Variants in DDX39B observed in about 807,000 individuals in gnomAD.
DDX39B encodes spliceosome RNA helicase DDX39B.
In DDX39B, 6 loss-of-function variants were observed where a neutral mutation model predicts 46.4. That is an observed-to-expected ratio of 0.13 (90% confidence interval 0.07 to 0.26). The LOEUF (loss-of-function observed/expected upper bound fraction) is 0.26. Ranked by LOEUF, DDX39B falls within the 10% of genes least tolerant of loss-of-function variation. DDX39B has a pLI of 1.00. For synonymous variants in DDX39B, 174 were observed against 199.4 expected (o/e 0.87, Z 1.07); for missense variants, 185 against 553.4 (o/e 0.33, Z 6.68).
Position 31,532,849 on chromosome 6 carries a change from G to A in DDX39B, c.798C>T (p.Tyr266=), listed in dbSNP as rs770891546. 11 of 1,594,678 alleles carry A rather than the reference G, an allele frequency of 6.9e-6. No individual in the cohort carries two copies. Among genetic ancestry groups the A allele is most frequent in the South Asian group, 3.3e-5 (3 of 90,852 alleles). The change falls in exon 7 of 11, where the codon TAC becomes TAT. Residue 266 remains tyrosine (Y), a synonymous_variant. Coordinates refer to ENST00000396172, the MANE Select transcript of DDX39B (RefSeq NM_004640.7). ...TCTTCTCGTTGTCCTTCAGTTTCAC[G>A]TAGTACTGCTGCAACCCATGCAGCG... The part of the protein sequence containing the change: ...KLTLHGLQQY[Y]VKLKDNEKNR...
At chr6:31,536,744 G>A in intron 4 of DDX39B, 61 bp from the exon 5 acceptor site, 1 of 1,576,550 alleles carries the variant, frequency 6.3e-7, no homozygotes, top group South Asian at 1.1e-5. Flanking sequence ...ATCCCCCCAG[G>A]GTTCCCACTC....
chr6:31,540,203 C>T, intron 2 of DDX39B, 119 bp downstream of exon 2: 2 of 1,142,538 alleles, frequency 1.8e-6, no homozygotes, highest in Non-Finnish European at 2.5e-6. Flanking sequence ...GCCACTGCAC[C>T]TGGCCCTGAT....
rs747058743 is a variant in DDX39B, at chr6:31,532,843, T to C, written c.804A>G (p.Lys268=). The part of the protein sequence containing the change: ...TLHGLQQYYV[K]LKDNEKNRKL... ...TCCGGTTCTTCTCGTTGTCCTTCAG[T>C]TTCACGTAGTACTGCTGCAACCCAT... Residue 268 remains lysine (K), a synonymous_variant, in exon 7 of 11, where the codon AAA becomes AAG. Transcript: ENST00000396172. 1.9e-6 allele frequency: 3 copies of C among 1,610,996 alleles called. No homozygotes were observed. The highest frequency in any genetic ancestry group is 2.2e-5 in the South Asian group (2 of 90,986).
chr6:31,539,413 C>T, intron 2 of DDX39B, 139 bp from the exon 3 acceptor site: 1 of 1,222,526 alleles, frequency 8.2e-7, no homozygotes, highest in South Asian at 1.5e-5. Context: ...CTTCCAGACC[C>T]ATTTTACCTC....
chr6:31,534,370 G>A lies in DDX39B; in HGVS notation c.735+997C>T. The A allele has an allele frequency of 7.1e-6, 3 of 419,932 alleles. No individual in the cohort carries two copies. Among genetic ancestry groups the A allele is most frequent in the Middle Eastern group, 3.6e-4 (1 of 2,800 alleles). 26.0% of individuals were successfully genotyped at this position (419,932 alleles called of 1,614,324 possible). ...TTCTAGCCCCAAATACAGCTAAAGA[G>A]TGATCATCCCACGGGAAGGAACACT... is the stretch of plus-strand genomic sequence containing the variant. On this transcript the variant is annotated intron_variant, in intron 6 of 10. Coordinates refer to ENST00000396172, the MANE Select transcript of DDX39B (RefSeq NM_004640.7). The surrounding 1 kb of genome is among the most constrained non-coding windows in gnomAD (Gnocchi z 5.1).
intron 7 of DDX39B, 23 bp downstream of exon 7, chr6:31,532,757 C>T (rs767169232): frequency 1.2e-6 from 2 of 1,609,076 alleles, no homozygotes; most frequent in Non-Finnish European, 1.7e-6. Flanking sequence ...AATGCTCATC[C>T]CCCTACTGGA....
chr6:31,541,262 A>AT (rs1281877010), intron 1 of DDX39B: 3 of 527,994 alleles, frequency 5.7e-6, no homozygotes, highest in Non-Finnish European at 1.2e-5. Context: ...TGTAATTAGC[A>AT]TGGGGGGGAG....
In DDX39B at chr6:31,540,312, G is replaced by A; in HGVS notation, c.211+10C>T. ...CCCAATGAGCACTACATGCCCAAGAGAAAATTTACCTTCTGACGGATGCTC... is the reference window on the plus strand; with the variant it reads ...CCCAATGAGCACTACATGCCCAAGAAAAAATTTACCTTCTGACGGATGCTC... On this transcript the variant is annotated intron_variant, in intron 2 of 10. Coordinates refer to ENST00000396172, the MANE Select transcript of DDX39B (RefSeq NM_004640.7). The A allele has an allele frequency of 6.2e-7, 1 of 1,614,072 alleles. No homozygotes were observed. The highest frequency in any genetic ancestry group is 1.1e-5 in the South Asian group (1 of 91,088).
At position 31,531,335 on chromosome 6, in the gene DDX39B, G is replaced by A; in HGVS notation, c.938C>T (p.Pro313Leu). 6.2e-7 allele frequency: 1 copy of A among 1,614,112 alleles called. No individual in the cohort carries two copies. ...CATCCCACGGTGGATGGCAATGGCTGGGAAGTTCTGCTCCACTAGTAGCTG... is the reference window on the plus strand; with the variant it reads ...CATCCCACGGTGGATGGCAATGGCTAGGAAGTTCTGCTCCACTAGTAGCTG... ...LAQLLVEQNF[P>L]AIAIHRGMPQ... Residue 313 changes from proline to leucine, a missense_variant, in exon 8 of 11, where the codon CCA (proline) becomes CTA (leucine). This residue lies in a region of DDX39B where 110 missense variants were observed against 282.2 expected (regional missense o/e 0.39). Coordinates refer to ENST00000396172, the MANE Select transcript of DDX39B (RefSeq NM_004640.7). This position sits in a 1 kb window ranked among gnomAD's most constrained non-coding sequence, Gnocchi z 5.8.
chr6:31,536,789 A>C, intron 4 of DDX39B, 106 bp from the exon 5 acceptor site: 1 of 1,383,602 alleles, frequency 7.2e-7, no homozygotes, highest in Non-Finnish European at 9.6e-7. Context: ...CATGTTTCCA[A>C]ACTAAAACTA....
intron 2 of DDX39B, among the ~76,000 whole-genome samples, chr6:31,539,856 A>C (rs1768204747): frequency 1.3e-5 from 2 of 152,232 alleles, no homozygotes; most frequent in South Asian, 4.1e-4. Flanking sequence ...AGACAAGAAA[A>C]GCCAGTCACA....
chr6:31,536,479 A>C, intron 5 of DDX39B, 21 bp downstream of exon 5: 1 of 1,613,166 alleles, frequency 6.2e-7, no homozygotes, highest in Non-Finnish European at 8.5e-7. Flanking sequence ...GCATTAGCCA[A>C]GCCCCAGCAC....
rs2150335628 is a variant in DDX39B, at chr6:31,535,532, A to G, written c.617-47T>C. On this transcript the variant is annotated intron_variant, in intron 5 of 10. Coordinates refer to ENST00000396172, the MANE Select transcript of DDX39B (RefSeq NM_004640.7). The surrounding 1 kb of genome is among the most constrained non-coding windows in gnomAD (Gnocchi z 4.6). ...TTGTAGGAGAAAATAAGCAGGTATG[A>G]TAAACAAAGATTAGAGGTAGACTTC... 1.3e-6 allele frequency: 2 copies of G among 1,488,632 alleles called. No individual in the cohort carries two copies. The highest frequency in any genetic ancestry group is 1.1e-5 in the South Asian group (1 of 87,362). 92.2% of individuals were successfully genotyped at this position (1,488,632 alleles called of 1,614,324 possible). A position where few individuals can be genotyped will look rare whatever the true frequency, so the allele number is the denominator to read the frequency against.
At chr6:31,538,901 A>G in intron 3 of DDX39B, 46 bp from the exon 4 acceptor site, 1 of 1,584,958 alleles carries the variant, frequency 6.3e-7, no homozygotes, top group Non-Finnish European at 8.7e-7. Context: ...GTAGCTCTTC[A>G]TTATCCCCTC....
chr6:31,534,604 C>T lies in DDX39B; in HGVS notation c.735+763G>A, dbSNP rs1241064133. ...AACACATATTGGGGGAAACGGGGCA[C>T]GGCACGCGTTGGGTTCAGGAAAAAA... On this transcript the variant is annotated intron_variant, in intron 6 of 10. Coordinates refer to ENST00000396172, the MANE Select transcript of DDX39B (RefSeq NM_004640.7). This position sits in a 1 kb window ranked among gnomAD's most constrained non-coding sequence, Gnocchi z 5.1. 1.9e-5 allele frequency: 8 copies of T among 425,732 alleles called. 1 individual carries two copies. Among genetic ancestry groups the T allele is most frequent in the South Asian group, 5.1e-5 (3 of 58,316 alleles). The allele number at this position is 425,732 out of a possible 1,614,324, so 26.4% of individuals were successfully genotyped here.
At chr6:31,538,534 T>C (rs988377240) in intron 4 of DDX39B, among the ~76,000 whole-genome samples, 3 of 152,150 alleles carry the variant, frequency 2.0e-5, no homozygotes, top group Non-Finnish European at 2.9e-5. Context: ...CCAAAATTAT[T>C]AAACTGATAT....
chr6:31,538,402 C>T (rs147380306), intron 4 of DDX39B, among the ~76,000 whole-genome samples: 186 of 152,292 alleles, frequency 1.2e-3, no homozygotes, highest in Non-Finnish European at 2.2e-3. Flanking sequence ...ATAATCCACA[C>T]GCCTTGGCCT....
In DDX39B at chr6:31,534,587, T is replaced by C. The variant is rs1027979224; in HGVS notation, c.735+780A>G. On this transcript the variant is annotated intron_variant, in intron 6 of 10. Transcript: ENST00000396172. This position sits in a 1 kb window ranked among gnomAD's most constrained non-coding sequence, Gnocchi z 5.1. ...TCAGGACACCCCTCCCCAACACATATTGGGGGAAACGGGGCACGGCACGCG... is the reference window on the plus strand; with the variant it reads ...TCAGGACACCCCTCCCCAACACATACTGGGGGAAACGGGGCACGGCACGCG... The C allele has an allele frequency of 1.3e-5, 6 of 445,718 alleles. 1 individual carries two copies. Among genetic ancestry groups the C allele is most frequent in the African/African-American group, 1.0e-4 (5 of 48,220 alleles). 27.6% of individuals were successfully genotyped at this position (445,718 alleles called of 1,614,324 possible).
In DDX39B at chr6:31,530,541, T is replaced by C; in HGVS notation, c.1271-91A>G. ...GGCACACATGCAGACACTGGTGTAC[T>C]GCCTGGGTTCAGAGGACGGACGTGG... is the stretch of plus-strand genomic sequence containing the variant. On this transcript the variant is annotated intron_variant, in intron 10 of 10. Coordinates refer to ENST00000396172, the MANE Select transcript of DDX39B (RefSeq NM_004640.7). This position sits in a 1 kb window ranked among gnomAD's most constrained non-coding sequence, Gnocchi z 4.5. 2 of 1,574,490 alleles carry C rather than the reference T, an allele frequency of 1.3e-6. No homozygotes were observed. The highest frequency in any genetic ancestry group is 1.7e-6 in the Non-Finnish European group (2 of 1,147,370).
Sources: allele counts gnomAD v4.1 joint callset (sites outside exome capture counted in the v4.1 genomes callset), GRCh38; gene constraint gnomAD v4.1.1; regional missense constraint gnomAD v4.1.1; non-coding constraint Gnocchi (gnomAD v3.1); transcripts MANE v1.5; gene names NCBI Gene and HGNC (gene_info 2026-07-23, HGNC 2026-07-21).